The following PLEKHA5 variants were observed in gnomAD, a reference collection of about 807,000 sequenced individuals.
The protein encoded by PLEKHA5 is pleckstrin homology domain-containing family A member 5.
A neutral mutation model predicts 181.9 loss-of-function variants in PLEKHA5; 55 were observed. That is an observed-to-expected ratio of 0.30 (90% CI 0.24 to 0.38). The LOEUF is 0.38. PLEKHA5 is among the 10% of genes least tolerant of loss of function. The pLI, the probability that PLEKHA5 is intolerant of heterozygous loss-of-function variation, is 1.00. For synonymous variants in PLEKHA5, 535 were observed against 529.4 expected, an observed-to-expected ratio of 1.01 and a Z score of -0.15; for missense variants, 1,432 against 1,549.5, an observed-to-expected ratio of 0.92 and a Z score of 1.27.
chr12:19,293,469 C>T (rs1177788751), intron 15 of PLEKHA5, among the ~76,000 whole-genome samples: 2 of 152,102 alleles, frequency 1.3e-5, no homozygotes, highest in Non-Finnish European at 2.9e-5. Context: ...GTATATTATG[C>T]ACTTTGTATA....
Position 19,322,680 on chromosome 12 carries a change from T to C in PLEKHA5, c.2448+13T>C. 1.3e-6 allele frequency: 2 copies of C among 1,592,340 alleles called. No individual in the cohort carries two copies. Among genetic ancestry groups the C allele is most frequent in the Middle Eastern group, 1.7e-4 (1 of 5,950 alleles). ...TCGAGCCACTGCCGTAAGTAGATTT[T>C]TTTTTTCCCCTAATAAAAGTAGCTT... is the stretch of plus-strand genomic sequence containing the variant. On this transcript the variant is annotated intron_variant, in intron 20 of 31. Coordinates refer to ENST00000429027, the MANE Select transcript of PLEKHA5 (RefSeq NM_001256470.2).
At chr12:19,153,514 T>TAC (rs924469767) in intron 3 of PLEKHA5, 1 of 152,046 alleles carries the variant, frequency 6.6e-6, no homozygotes, top group African/African-American at 2.4e-5. Context: ...CTGTTACGCG[T>TAC]ACACACACAC....
At chr12:19,231,906 G>GT (rs2060684433) in intron 3 of PLEKHA5, among the ~76,000 whole-genome samples, 1 of 151,826 alleles carries the variant, frequency 6.6e-6, no homozygotes, top group East Asian at 1.9e-4. Flanking sequence ...CACTCAATCT[G>GT]TTTTTTTCCA....
intron 6 of PLEKHA5, among the ~76,000 whole-genome samples, chr12:19,259,104 C>T (rs2067648690): frequency 6.6e-6 from 1 of 152,084 alleles, no homozygotes; most frequent in African/African-American, 2.4e-5. Context: ...CGCCTGTAAT[C>T]CCAGCACTTT....
At chr12:19,212,166 T>C (rs77299796) in intron 3 of PLEKHA5, among the ~76,000 whole-genome samples, 10,911 of 152,232 alleles carry the variant, frequency 0.072, 412 homozygotes, top group South Asian at 0.11. Context: ...TCACATCTGC[T>C]AAGTCTTTGT....
chr12:19,211,941 C>T (rs1427544162), intron 3 of PLEKHA5, among the ~76,000 whole-genome samples: 2 of 152,142 alleles, frequency 1.3e-5, no homozygotes, highest in Non-Finnish European at 2.9e-5. Flanking sequence ...ATTCCTCTCC[C>T]GATTTCTTGG....
chr12:19,365,181 C>CT (rs1291839611), intron 29 of PLEKHA5, among the ~76,000 whole-genome samples: 12 of 151,888 alleles, frequency 7.9e-5, no homozygotes, highest in Non-Finnish European at 4.4e-5. Context: ...ACCATCCTGG[C>CT]TAACACGGTG....
At chr12:19,355,876 A>G (rs924023243) in intron 26 of PLEKHA5, among the ~76,000 whole-genome samples, 11 of 151,958 alleles carry the variant, frequency 7.2e-5, no homozygotes, top group Non-Finnish European at 1.0e-4. Flanking sequence ...AAAATCAAGC[A>G]GAGGCCAGGT....
intron 3 of PLEKHA5, among the ~76,000 whole-genome samples, chr12:19,141,250 C>G (rs1325035753): frequency 2.6e-5 from 4 of 152,100 alleles, no homozygotes; most frequent in Non-Finnish European, 5.9e-5. Flanking sequence ...AGCTTTTTAA[C>G]CTAAAATGTA....
At chr12:19,323,043 C>T (rs1319429063) in intron 20 of PLEKHA5, among the ~76,000 whole-genome samples, 51 of 56,688 alleles carry the variant, frequency 9.0e-4, no homozygotes, top group African/African-American at 2.0e-3. Flanking sequence ...TTTTTTTTTT[C>T]ATAGAAATGG....
chr12:19,241,427 A>G (rs968590421), intron 3 of PLEKHA5, among the ~76,000 whole-genome samples: 1 of 152,194 alleles, frequency 6.6e-6, no homozygotes, highest in East Asian at 1.9e-4. Flanking sequence ...GTACACGATA[A>G]ATACATACTG....
rs184037188 is a variant in PLEKHA5, at chr12:19,164,911, G to A, written c.227+32461G>A. Among the ~76,000 whole-genome samples the A allele has an allele frequency of 4.6e-5, 7 of 152,072 alleles. 1 individual carries two copies. Among genetic ancestry groups the A allele is most frequent in the Admixed American group, 4.6e-4 (7 of 15,252 alleles). On this transcript the variant is annotated intron_variant, in intron 3 of 31. Transcript: ENST00000429027. ...ACTTATCAATTGAAGATATTCCAAA[G>A]TAAACACATTCTTCCTCCCTGCCGT...
At chr12:19,147,937 A>G (rs1302548816) in intron 3 of PLEKHA5, among the ~76,000 whole-genome samples, 4 of 152,062 alleles carry the variant, frequency 2.6e-5, no homozygotes, top group Admixed American at 1.3e-4. Context: ...GGGTCTCACT[A>G]TGTTGCCCAG....
intron 31 of PLEKHA5, among the ~76,000 whole-genome samples, chr12:19,375,157 C>G (rs1991589): frequency 0.082 from 12,532 of 151,912 alleles, 557 homozygotes; most frequent in Middle Eastern, 0.13. Context: ...AACCCCGTCT[C>G]TACTAAAAAT....
In PLEKHA5 at chr12:19,265,764, G is replaced by A; in HGVS notation, c.625G>A (p.Gly209Ser). Residue 209 changes from glycine to serine, a missense_variant, in exon 8 of 32, where the codon GGT (glycine) becomes AGT (serine). Gly to Ser is a moderately conservative substitution (Grantham distance 56). Coordinates refer to ENST00000429027, the MANE Select transcript of PLEKHA5 (RefSeq NM_001256470.2). ...TTATCTCTTAGATGAGAAAGAAGAG[G>A]GTATCCTGGGAAGCATACTGTTACC... ...LFYYRDEKEE[G>S]ILGSILLPSF... 1 of 1,563,732 alleles carries A rather than the reference G, an allele frequency of 6.4e-7. No homozygotes were observed. The highest frequency in any genetic ancestry group is 2.3e-5 in the East Asian group (1 of 44,272).
intron 3 of PLEKHA5, among the ~76,000 whole-genome samples, chr12:19,145,777 A>G (rs1044498930): frequency 1.3e-5 from 2 of 152,120 alleles, no homozygotes; most frequent in African/African-American, 4.8e-5. Context: ...CAGTTGTTTT[A>G]TAAAACAACT....
rs1281681662 is a variant in PLEKHA5 at position 19,274,798 on chromosome 12, C to T, written c.1128C>T (p.Asn376=). ...PAQTVHYRPI[N]LSSSENKIVN... is the part of the protein sequence containing the mutation. ...AGACTGTGCACTACAGACCAATCAA[C>T]TTGAGCAGTTCAGAGAACAAAATAG... is the stretch of plus-strand genomic sequence containing the variant. The change falls in exon 11 of 32, where the codon AAC becomes AAT. Residue 376 remains asparagine, a synonymous_variant. Coordinates refer to ENST00000429027, the MANE Select transcript of PLEKHA5 (RefSeq NM_001256470.2). The T allele has an allele frequency of 6.2e-7, 1 of 1,614,178 alleles. No homozygotes were observed. The highest frequency in any genetic ancestry group is 8.5e-7 in the Non-Finnish European group (1 of 1,180,036).
chr12:19,142,095 C>A (rs1304203284), intron 3 of PLEKHA5, among the ~76,000 whole-genome samples: 1 of 152,162 alleles, frequency 6.6e-6, no homozygotes, highest in Non-Finnish European at 1.5e-5. Flanking sequence ...TGCTGTGGCT[C>A]ACGCCTGTAA....
intron 3 of PLEKHA5, among the ~76,000 whole-genome samples, chr12:19,221,684 T>C (rs1283818263): frequency 6.6e-6 from 1 of 152,132 alleles, no homozygotes; most frequent in Non-Finnish European, 1.5e-5. Context: ...CAAAGGAGCC[T>C]ATTACAAATG....
Sources: gnomAD v4.1 joint callset for allele counts (sites outside exome capture counted in the v4.1 genomes callset) on GRCh38, gnomAD v4.1.1 for gene constraint, MANE v1.5 for transcripts, NCBI Gene and HGNC (gene_info 2026-07-23, HGNC 2026-07-21) for gene names.